The following ERO1B variants were observed in gnomAD, a reference collection of about 807,000 sequenced individuals.
ERO1B encodes ERO1-like protein beta.
ERO1B carries 49 observed loss-of-function variants against 75.3 expected under a neutral mutation model. The observed-to-expected ratio is 0.65, with a 90% CI of 0.52 to 0.83. ERO1B has a LOEUF of 0.83. Ranked by LOEUF, ERO1B falls within the 40% of genes least tolerant of loss-of-function variation. ERO1B has a pLI of 0.00. For synonymous variants in ERO1B, 191 were observed against 192.9 expected, an observed-to-expected ratio of 0.99 and a Z score of 0.08; for missense variants, 512 against 560.1, an observed-to-expected ratio of 0.91 and a Z score of 0.87.
intron 13 of ERO1B, among the ~76,000 whole-genome samples, chr1:236,222,396 G>A (rs1280867436): frequency 6.6e-6 from 1 of 152,126 alleles, no homozygotes; most frequent in African/African-American, 2.4e-5. Context: ...TACGGTGTAA[G>A]CCACCATACC....
At chr1:236,267,608 G>A (rs1665479057) in intron 2 of ERO1B, among the ~76,000 whole-genome samples, 2 of 152,140 alleles carry the variant, frequency 1.3e-5, no homozygotes, top group South Asian at 4.1e-4. Context: ...TTCCCCCACT[G>A]TATTACATTG....
chr1:236,257,221 T>C (rs188583824), intron 2 of ERO1B, among the ~76,000 whole-genome samples: 1 of 152,286 alleles, frequency 6.6e-6, no homozygotes. Flanking sequence ...CAAGGCTGAT[T>C]GGGAAGAAAC....
At chr1:236,220,718 T>C (rs1300193224) in intron 15 of ERO1B, 114 bp downstream of exon 15, 5 of 917,254 alleles carry the variant, frequency 5.5e-6, no homozygotes, top group Non-Finnish European at 7.4e-6. Context: ...AGATACAATA[T>C]AAAATTTTTT....
intron 9 of ERO1B, among the ~76,000 whole-genome samples, chr1:236,230,642 G>C: frequency 7.2e-6 from 1 of 138,570 alleles, no homozygotes; most frequent in African/African-American, 2.6e-5. Context: ...AAAAAATTAT[G>C]ACAGATTAAG....
At chr1:236,241,829 G>A (rs1183696628) in intron 6 of ERO1B, among the ~76,000 whole-genome samples, 2 of 152,250 alleles carry the variant, frequency 1.3e-5, no homozygotes, top group East Asian at 1.9e-4. Flanking sequence ...AGCACTTTGG[G>A]AGGCTGAGGC....
chr1:236,225,663 G>A (rs1219938670), intron 12 of ERO1B, among the ~76,000 whole-genome samples: 4 of 152,166 alleles, frequency 2.6e-5, no homozygotes, highest in African/African-American at 4.8e-5. Flanking sequence ...GGCCAGGCGC[G>A]ATGGCCCATG....
At chr1:236,231,336 G>A (rs149360011) in intron 9 of ERO1B, among the ~76,000 whole-genome samples, 1 of 152,106 alleles carries the variant, frequency 6.6e-6, no homozygotes, top group Admixed American at 6.6e-5. Context: ...GTAAGTTCAA[G>A]AGATTTATTG....
chr1:236,264,281 G>C (rs1449778476), intron 2 of ERO1B, among the ~76,000 whole-genome samples: 1 of 151,692 alleles, frequency 6.6e-6, no homozygotes, highest in Non-Finnish European at 1.5e-5. Context: ...CTAGTTTCTT[G>C]TATTTTTAGT....
chr1:236,249,872 A>G lies in ERO1B; in HGVS notation c.431+13T>C. 6.4e-7 allele frequency: 1 copy of G among 1,553,290 alleles called. No individual in the cohort carries two copies. Among genetic ancestry groups the G allele is most frequent in the Non-Finnish European group, 8.7e-7 (1 of 1,149,354 alleles). On this transcript the variant is annotated intron_variant, in intron 5 of 15. Coordinates refer to ENST00000354619, the MANE Select transcript of ERO1B (RefSeq NM_019891.4). ...TGAGAATATTTTCTTAATATTACCA[A>G]AATAAAACTTGCCTTAATGTGCTGT...
At chr1:236,260,456 G>A (rs1665269116) in intron 2 of ERO1B, among the ~76,000 whole-genome samples, 1 of 152,160 alleles carries the variant, frequency 6.6e-6, no homozygotes, top group South Asian at 2.1e-4. Flanking sequence ...GGTCAGGTCA[G>A]GAGTTCAAGA....
intron 1 of ERO1B, among the ~76,000 whole-genome samples, chr1:236,271,014 C>T (rs1286135861): frequency 6.6e-6 from 1 of 152,126 alleles, no homozygotes; most frequent in East Asian, 1.9e-4. Context: ...GGAACTAATA[C>T]ATACACATAC....
intron 5 of ERO1B, among the ~76,000 whole-genome samples, chr1:236,248,692 A>C (rs1303586251): frequency 6.6e-6 from 1 of 152,176 alleles, no homozygotes; most frequent in East Asian, 1.9e-4. Flanking sequence ...CATATACACA[A>C]AATAAAACTA....
chr1:236,238,159 T>C (rs1664589624), intron 6 of ERO1B, among the ~76,000 whole-genome samples: 1 of 152,168 alleles, frequency 6.6e-6, no homozygotes, highest in African/African-American at 2.4e-5. Context: ...GGGTTGTATA[T>C]AACTTAGACA....
chr1:236,258,718 C>G (rs1665224196), intron 2 of ERO1B, among the ~76,000 whole-genome samples: 1 of 152,140 alleles, frequency 6.6e-6, no homozygotes. Flanking sequence ...GAAACCTCAT[C>G]TCTACTAAAA....
chr1:236,258,840 G>C (rs2695067), intron 2 of ERO1B, among the ~76,000 whole-genome samples: 37,706 of 152,040 alleles, frequency 0.25, 4,867 homozygotes, highest in East Asian at 0.38. Context: ...AGTGAGCCAA[G>C]ATCGTGCCAC....
chr1:236,273,957 G>A (rs1295327361), intron 1 of ERO1B, among the ~76,000 whole-genome samples: 1 of 151,212 alleles, frequency 6.6e-6, no homozygotes, highest in Non-Finnish European at 1.5e-5. Flanking sequence ...CAATGAATGG[G>A]ACTTACTGTT....
At chr1:236,242,261 A>C (rs1443159051) in intron 6 of ERO1B, among the ~76,000 whole-genome samples, 1 of 152,194 alleles carries the variant, frequency 6.6e-6, no homozygotes, top group Non-Finnish European at 1.5e-5. Context: ...TACTTTAATC[A>C]AAGAATAGGT....
chr1:236,249,869 C>T lies in ERO1B; in HGVS notation c.431+16G>A. On this transcript the variant is annotated intron_variant, in intron 5 of 15. Coordinates refer to ENST00000354619, the MANE Select transcript of ERO1B (RefSeq NM_019891.4). The stretch of plus-strand genomic sequence containing the variant: ...CAATGAGAATATTTTCTTAATATTA[C>T]CAAAATAAAACTTGCCTTAATGTGC... The T allele has an allele frequency of 6.5e-7, 1 of 1,537,416 alleles. No individual in the cohort carries two copies. Among genetic ancestry groups the T allele is most frequent in the East Asian group, 2.3e-5 (1 of 42,688 alleles).
chr1:236,225,727 G>T (rs1664262071), intron 12 of ERO1B, among the ~76,000 whole-genome samples: 1 of 152,214 alleles, frequency 6.6e-6, no homozygotes, highest in African/African-American at 2.4e-5. Flanking sequence ...TTGAGGCCAG[G>T]AGCTTGAGAC....
Sources: allele counts gnomAD v4.1 joint callset (sites outside exome capture counted in the v4.1 genomes callset), GRCh38; gene constraint gnomAD v4.1.1; transcripts MANE v1.5; gene names NCBI Gene and HGNC (gene_info 2026-07-23, HGNC 2026-07-21).